RIN2: variants seen among roughly 807,000 people sequenced by gnomAD.
The protein encoded by RIN2 is RAB5 interacting protein 2.
In RIN2, 36 loss-of-function variants were observed where a neutral mutation model predicts 78.0. That is an observed-to-expected ratio of 0.46 (90% CI 0.35 to 0.61). The LOEUF (loss-of-function observed/expected upper bound fraction) is 0.61. Ranked by LOEUF, RIN2 falls within the 20% of genes least tolerant of loss-of-function variation. RIN2 has a pLI of 0.00. For synonymous variants in RIN2, 466 were observed against 466.8 expected, an observed-to-expected ratio of 1.00 and a Z score of 0.02; for missense variants, 1,087 against 1,159.7, an observed-to-expected ratio of 0.94 and a Z score of 0.91.
rs759183002 is a variant in RIN2, at chr20:19,975,511, C to T, written c.1486C>T (p.Gln496Ter). The T allele has an allele frequency of 6.2e-7, 1 of 1,614,048 alleles. No individual in the cohort carries two copies. The change falls in exon 9 of 13, where the codon CAG (glutamine) becomes TAG (stop). Residue 496 changes from glutamine to a stop codon, truncating the protein, a stop_gained. Coordinates refer to ENST00000255006, the MANE Select transcript of RIN2 (RefSeq NM_018993.4). LOFTEE classifies it high-confidence loss of function. The surrounding 1 kb of genome is among the most constrained non-coding windows in gnomAD (Gnocchi z 4.9). ...CGTGCTGCCCAAGCTCGTCAAGTCC[C>T]AGCTGCAGAAGGTGAGCGGGGTGTT... is the stretch of plus-strand genomic sequence containing the variant. Reference protein sequence around the residue: ...SFVLPKLVKSQLQKVSGVFSS... With the variant: ...SFVLPKLVKS
chr20:19,987,522 C>T (rs1187975259), intron 9 of RIN2, among the ~76,000 whole-genome samples: 1 of 152,166 alleles, frequency 6.6e-6, no homozygotes, highest in African/African-American at 2.4e-5. Context: ...ATCTCTGAGC[C>T]TCAGTTTCCC....
chr20:19,873,864 A>C (rs2037771090), intron 2 of RIN2, among the ~76,000 whole-genome samples: 1 of 152,172 alleles, frequency 6.6e-6, no homozygotes, highest in Admixed American at 6.5e-5. Flanking sequence ...TCTTGCTAAA[A>C]TTTATTTGTG....
chr20:19,966,052 T>A (rs2041928179), intron 7 of RIN2, among the ~76,000 whole-genome samples: 1 of 152,350 alleles, frequency 6.6e-6, no homozygotes, highest in East Asian at 1.9e-4. Context: ...ATCAAAATTC[T>A]TGTTATCTGC....
At position 19,935,213 on chromosome 20, in the gene RIN2, C is replaced by T. The variant is rs770419229; in HGVS notation, c.158+14C>T. The T allele has an allele frequency of 2.4e-5, 38 of 1,581,890 alleles. No homozygotes were observed. The highest frequency in any genetic ancestry group is 1.1e-4 in the African/African-American group (8 of 74,266). On this transcript the variant is annotated intron_variant, in intron 4 of 12. Coordinates refer to ENST00000255006, the MANE Select transcript of RIN2 (RefSeq NM_018993.4). ...TGAAACCCACAGGTGACCAGAGACA[C>T]GGTTAGGTGATGGGTGCGAGAAAGG...
chr20:19,822,345 A>G (rs1158215992), intron 2 of RIN2, among the ~76,000 whole-genome samples: 1 of 152,206 alleles, frequency 6.6e-6, no homozygotes, highest in Non-Finnish European at 1.5e-5. Context: ...AAATGAAGTT[A>G]GTATAGATGA....
intron 2 of RIN2, among the ~76,000 whole-genome samples, chr20:19,888,237 C>T (rs1225327871): frequency 6.6e-6 from 1 of 152,096 alleles, no homozygotes; most frequent in Non-Finnish European, 1.5e-5. Flanking sequence ...TGCTCTGTGT[C>T]ACTATTGTTT....
chr20:19,882,937 G>T (rs923495304), intron 2 of RIN2, among the ~76,000 whole-genome samples: 1 of 152,184 alleles, frequency 6.6e-6, no homozygotes, highest in African/African-American at 2.4e-5. Context: ...TTAATTGGCT[G>T]CTTATGTTAT....
At chr20:19,999,605 C>T (rs2043079201) in intron 12 of RIN2, among the ~76,000 whole-genome samples, 1 of 152,194 alleles carries the variant, frequency 6.6e-6, no homozygotes, top group African/African-American at 2.4e-5. Context: ...CTGATAACTC[C>T]ACTGTTAAGG....
At position 19,913,587 on chromosome 20, in the gene RIN2, C is replaced by T. The variant is rs6106156; in HGVS notation, c.58-21512C>T. On this transcript the variant is annotated intron_variant, in intron 3 of 12. Transcript: ENST00000255006. ...TCTATCTATTAAATAATTCCCCATTCCTCCTTTTCCTCAACCCCTGGTAAC... is the reference window on the plus strand; with the variant it reads ...TCTATCTATTAAATAATTCCCCATTTCTCCTTTTCCTCAACCCCTGGTAAC... 3.5e-3 allele frequency among the ~76,000 whole-genome samples: 531 copies of T among 152,290 alleles called. 3 individuals are homozygous for T. The highest frequency in any genetic ancestry group is 0.011 in the African/African-American group (470 of 41,554).
intron 4 of RIN2, among the ~76,000 whole-genome samples, chr20:19,939,314 C>G (rs1244474450): frequency 1.3e-5 from 2 of 152,210 alleles, no homozygotes; most frequent in East Asian, 3.9e-4. Flanking sequence ...TCCCAAAGTG[C>G]TGGGATTACA....
intron 1 of RIN2, among the ~76,000 whole-genome samples, chr20:19,761,530 T>A (rs1412942782): frequency 6.6e-6 from 1 of 152,212 alleles, no homozygotes; most frequent in Non-Finnish European, 1.5e-5. Flanking sequence ...TCTCATGAAG[T>A]ATCTTCTGGA....
chr20:19,758,006 C>G (rs914411369), upstream of RIN2: 1 of 152,330 alleles, frequency 6.6e-6, no homozygotes, highest in South Asian at 2.1e-4. Context: ...AGGGATGGGC[C>G]GGACCTGGGG....
intron 12 of RIN2, among the ~76,000 whole-genome samples, chr20:19,999,332 C>A (rs1331499578): frequency 6.6e-6 from 1 of 152,164 alleles, no homozygotes; most frequent in Non-Finnish European, 1.5e-5. Context: ...CCCACTAGCT[C>A]ACCTCTCCTG....
chr20:19,972,037 C>T (rs201016714), intron 8 of RIN2, among the ~76,000 whole-genome samples: 1 of 152,052 alleles, frequency 6.6e-6, no homozygotes, highest in Non-Finnish European at 1.5e-5. Flanking sequence ...CCACTGTGCT[C>T]GGCCATGAAA....
chr20:19,905,792 A>G (rs1192192703), intron 3 of RIN2, among the ~76,000 whole-genome samples: 3 of 152,178 alleles, frequency 2.0e-5, no homozygotes, highest in Non-Finnish European at 2.9e-5. Context: ...TCACTCACGT[A>G]TTGTCTGTAA....
chr20:19,873,455 G>A (rs2037754163), intron 2 of RIN2, among the ~76,000 whole-genome samples: 1 of 152,170 alleles, frequency 6.6e-6, no homozygotes, highest in Non-Finnish European at 1.5e-5. Flanking sequence ...GAAAGGACCA[G>A]ATAACATTTT....
intron 3 of RIN2, among the ~76,000 whole-genome samples, chr20:19,924,191 C>CG (rs2040067805): frequency 1.7e-5 from 1 of 59,280 alleles, no homozygotes; most frequent in Non-Finnish European, 2.9e-5. Context: ...ACCTTCATAC[C>CG]CCACCTTCAT....
chr20:19,992,092 A>G, intron 10 of RIN2, 76 bp from the exon 11 acceptor site: 3 of 1,523,724 alleles, frequency 2.0e-6, no homozygotes, highest in South Asian at 2.5e-5. Context: ...TTGCTGTCTA[A>G]TAAAAGCAGC....
At chr20:19,956,901 C>A in intron 5 of RIN2, 94 bp downstream of exon 5, 1 of 1,116,384 alleles carries the variant, frequency 9.0e-7, no homozygotes, top group Non-Finnish European at 1.2e-6. Flanking sequence ...AAATTTCTTC[C>A]TAGCTTGTAA....
Sources: allele counts gnomAD v4.1 joint callset (sites outside exome capture counted in the v4.1 genomes callset), GRCh38; gene constraint gnomAD v4.1.1; non-coding constraint Gnocchi (gnomAD v3.1); transcripts MANE v1.5; gene names NCBI Gene and HGNC (gene_info 2026-07-23, HGNC 2026-07-21).